RAX: variants seen among roughly 807,000 people sequenced by gnomAD.
The protein encoded by RAX is retina and anterior neural fold homeobox.
In RAX, 11 loss-of-function variants were observed where a neutral mutation model predicts 17.4. The observed-to-expected ratio is 0.63, with a 90% CI of 0.40 to 1.05. The LOEUF (loss-of-function observed/expected upper bound fraction) is 1.05, where lower values mean the gene tolerates loss of function less well. RAX is among the 50% of genes least tolerant of loss of function. The pLI is 0.00. For missense variants in RAX, 527 were observed against 501.1 expected, an observed-to-expected ratio of 1.05 and a Z score of -0.49; for synonymous variants, 276 against 254.7, an observed-to-expected ratio of 1.08 and a Z score of -0.80.
Position 59,268,756 on chromosome 18 carries a change from C to A in RAX, c.*248G>T. The A allele has an allele frequency of 3.2e-6, 2 of 624,526 alleles. No individual in the cohort carries two copies. Among genetic ancestry groups the A allele is most frequent in the Non-Finnish European group, 5.4e-6 (2 of 373,136 alleles). The allele number at this position is 624,526 out of a possible 1,614,324, so 38.7% of individuals were successfully genotyped here. On this transcript the variant is annotated 3_prime_UTR_variant, in exon 3 of 3. Coordinates refer to ENST00000334889, the MANE Select transcript of RAX (RefSeq NM_013435.3). This position sits in a 1 kb window ranked among gnomAD's most constrained non-coding sequence, Gnocchi z 4.4. ...CCAGCGGGGCCCGGCAGCCTGTTGC[C>A]CTCCAGCTGCAGGGCTGAGGTCCGC... is the stretch of plus-strand genomic sequence containing the variant.
rs748974678 is a variant in RAX, at chr18:59,269,379, C to A, written c.666G>T (p.Ser222=). 4.7e-5 allele frequency: 70 copies of A among 1,496,968 alleles called. No individual in the cohort carries two copies. Among genetic ancestry groups the A allele is most frequent in the Non-Finnish European group, 6.1e-5 (69 of 1,128,142 alleles). The allele number at this position is 1,496,968 out of a possible 1,614,324, so 92.7% of individuals were successfully genotyped here. The change falls in exon 3 of 3, where the codon TCG becomes TCT. Residue 222 remains serine, a synonymous_variant. Coordinates refer to ENST00000334889, the MANE Select transcript of RAX (RefSeq NM_013435.3). ...CGCTGCCCGGGCCCGCCCCGAGGGG[C>A]GACAGCGTCGCGGAGGGCGGGGAGC... ...FSRSPPSATL[S]PLGAGPGSGG...
Position 59,268,880 on chromosome 18 carries a change from G to C in RAX, c.*124C>G. On this transcript the variant is annotated 3_prime_UTR_variant, in exon 3 of 3. Transcript: ENST00000334889. The surrounding 1 kb of genome is among the most constrained non-coding windows in gnomAD (Gnocchi z 4.4). ...GGCGCGTGGCCCTGAACTATGCTTG[G>C]CGGGTGGCTGCAGGCGACAGGGAAA... 2 of 1,490,408 alleles carry C rather than the reference G, an allele frequency of 1.3e-6. No individual in the cohort carries two copies. The highest frequency in any genetic ancestry group is 2.4e-5 in the South Asian group (2 of 83,418). 92.3% of individuals were successfully genotyped at this position (1,490,408 alleles called of 1,614,324 possible).
chr18:59,268,804 G>T lies in RAX; in HGVS notation c.*200C>A. On this transcript the variant is annotated 3_prime_UTR_variant, in exon 3 of 3. Transcript: ENST00000334889. The surrounding 1 kb of genome is among the most constrained non-coding windows in gnomAD (Gnocchi z 4.4). Reference sequence around the variant, plus strand: ...CGCGAAGTGCGTTGAGGCGGCCAGAGGGCCTCTCCTCAGGCCTGAAAGTCG... The same window carrying T: ...CGCGAAGTGCGTTGAGGCGGCCAGATGGCCTCTCCTCAGGCCTGAAAGTCG... The T allele has an allele frequency of 1.2e-6, 1 of 863,400 alleles. No individual in the cohort carries two copies. The highest frequency in any genetic ancestry group is 1.7e-6 in the Non-Finnish European group (1 of 575,990). 53.5% of individuals were successfully genotyped at this position (863,400 alleles called of 1,614,324 possible). A position where few individuals can be genotyped will look rare whatever the true frequency, so the allele number is the denominator to read the frequency against.
rs1436073335 is a variant in RAX at position 59,272,255 on chromosome 18, A to G, written c.543+106T>C. 6 of 1,486,988 alleles carry G rather than the reference A, an allele frequency of 4.0e-6. No individual in the cohort carries two copies. In the East Asian group the frequency reaches 1.4e-4, roughly 35 times the overall value. 92.1% of individuals were successfully genotyped at this position (1,486,988 alleles called of 1,614,324 possible). A position where few individuals can be genotyped will look rare whatever the true frequency, so the allele number is the denominator to read the frequency against. On this transcript the variant is annotated intron_variant, in intron 2 of 2. Transcript: ENST00000334889. ...AGACTCTGGGCATGCCAAGTCGAGG[A>G]AGGACAGTAATAAATGCATGGACAC... is the stretch of plus-strand genomic sequence containing the variant.
Position 59,269,073 on chromosome 18 carries a change from G to A in RAX, c.972C>T (p.Ser324=), listed in dbSNP as rs752217038. The change falls in exon 3 of 3, where the codon AGC becomes AGT. Residue 324 remains serine (S), a synonymous_variant. Coordinates refer to ENST00000334889, the MANE Select transcript of RAX (RefSeq NM_013435.3). ...PLDEADPRNS[S]IAALRLKAKE... Reference sequence around the variant, plus strand: ...TGGCTTTCAGACGCAGCGCCGCGATGCTGCTGTTGCGCGGGTCCGCCTCGT... The same window carrying A: ...TGGCTTTCAGACGCAGCGCCGCGATACTGCTGTTGCGCGGGTCCGCCTCGT... The A allele has an allele frequency of 6.2e-7, 1 of 1,612,728 alleles. No individual in the cohort carries two copies. Among genetic ancestry groups the A allele is most frequent in the Non-Finnish European group, 8.5e-7 (1 of 1,179,734 alleles).
Position 59,269,343 on chromosome 18 carries a change from C to CGGCCCGCCACCGCTGCCCG in RAX, c.683_701dup (p.Ala235GlyfsTer258). On this transcript the variant is annotated frameshift_variant, in exon 3 of 3. Coordinates refer to ENST00000334889, the MANE Select transcript of RAX (RefSeq NM_013435.3). LOFTEE classifies it low-confidence loss of function (END_TRUNC). ...ACTCCAGCGGCAGCGCGCCCCCAGCCGGCCCGCCACCGCTGCCCGGGCCCG... is the reference window on the plus strand; with the variant it reads ...ACTCCAGCGGCAGCGCGCCCCCAGCCGGCCCGCCACCGCTGCCCGGGCCCGCCACCGCTGCCCGGGCCCG... 3.0e-6 allele frequency: 4 copies of CGGCCCGCCACCGCTGCCCG among 1,341,738 alleles called. No individual in the cohort carries two copies. The highest frequency in any genetic ancestry group is 3.8e-6 in the Non-Finnish European group (4 of 1,049,130). 83.1% of individuals were successfully genotyped at this position (1,341,738 alleles called of 1,614,324 possible). A position where few individuals can be genotyped will look rare whatever the true frequency, so the allele number is the denominator to read the frequency against.
At chr18:59,272,791 G>C in intron 1 of RAX, 127 bp downstream of exon 1, 1 of 1,381,226 alleles carries the variant, frequency 7.2e-7, no homozygotes, top group East Asian at 2.4e-5. Flanking sequence ...GGAAGCTCCC[G>C]CCATAGACGG....
At chr18:59,272,830 T>G in intron 1 of RAX, 88 bp downstream of exon 1, 1 of 1,465,216 alleles carries the variant, frequency 6.8e-7, no homozygotes, top group Non-Finnish European at 9.0e-7. Context: ...GTTGCCTTAA[T>G]AAAAGTTAAG....
chr18:59,272,882 C>A, intron 1 of RAX, 36 bp downstream of exon 1: 1 of 1,490,462 alleles, frequency 6.7e-7, no homozygotes, highest in Non-Finnish European at 8.8e-7. Flanking sequence ...GCTCGGGCGC[C>A]CGAACGGCCT....
rs775122318 is a variant in RAX at position 59,269,205 on chromosome 18, AGGCGGC to A, written c.834_839del (p.Pro281_Pro282del). ...ACGGCGGGGAGTTCAGGAAGGGCGG[AGGCGGC>A]GGCGGTGGCGTGTAGCTGGCAGGCA... On this transcript the variant is annotated inframe_deletion, in exon 3 of 3. Transcript: ENST00000334889. The A allele has an allele frequency of 6.5e-7, 1 of 1,535,368 alleles. No homozygotes were observed. Among genetic ancestry groups the A allele is most frequent in the South Asian group, 1.2e-5 (1 of 83,746 alleles).
At chr18:59,272,754 G>C (rs533742390) in intron 1 of RAX, 140 bp from the exon 2 acceptor site, 2 of 1,371,252 alleles carry the variant, frequency 1.5e-6, no homozygotes, top group African/African-American at 1.5e-5. Flanking sequence ...GCGGCGATGG[G>C]TCCTAAGCTT....
At chr18:59,269,617 G>A in intron 2 of RAX, 116 bp from the exon 3 acceptor site, 5 of 1,210,658 alleles carry the variant, frequency 4.1e-6, no homozygotes, top group Non-Finnish European at 5.7e-6. Context: ...TAAAACTAGG[G>A]GCGCAACTGT....
Position 59,269,034 on chromosome 18 carries a change from C to G in RAX, c.1011G>C (p.Gln337His), listed in dbSNP as rs772527097. The G allele has an allele frequency of 6.2e-7, 1 of 1,613,060 alleles. No homozygotes were observed. The highest frequency in any genetic ancestry group is 1.1e-5 in the South Asian group (1 of 91,086). The stretch of plus-strand genomic sequence containing the variant: ...GGGCCTGCCACGGCTTCCCGATGGC[C>G]TGGATGTGCTCCTTGGCTTTCAGAC... ...ALRLKAKEHI[Q>H]AIGKPWQAL is the part of the protein sequence containing the mutation. Residue 337 changes from glutamine to histidine, a missense_variant, in exon 3 of 3, where the codon CAG becomes CAC. Physicochemically the swap from Gln to His is conservative, Grantham distance 24. Transcript: ENST00000334889.
At position 59,269,115 on chromosome 18, in the gene RAX, C is replaced by G. The variant is rs1440034147; in HGVS notation, c.930G>C (p.Gly310=). The G allele has an allele frequency of 4.3e-6, 7 of 1,609,498 alleles. No individual in the cohort carries two copies. Among genetic ancestry groups the G allele is most frequent in the Non-Finnish European group, 5.1e-6 (6 of 1,178,312 alleles). ...CCGCCTCGTCCAGCGGGAACTTGTCCCCGAAGCCGGGCCCGCACGGGTAGG... is the reference window on the plus strand; with the variant it reads ...CCGCCTCGTCCAGCGGGAACTTGTCGCCGAAGCCGGGCCCGCACGGGTAGG... ...PPSYPCGPGF[G]DKFPLDEADP... is the part of the protein sequence containing the mutation. Residue 310 remains glycine, a synonymous_variant, in exon 3 of 3, where the codon GGG becomes GGC. Transcript: ENST00000334889.
intron 1 of RAX, 108 bp downstream of exon 1, chr18:59,272,810 C>T: frequency 2.8e-6 from 4 of 1,431,064 alleles, no homozygotes; most frequent in South Asian, 1.4e-5. Context: ...GGTCCCCAAC[C>T]CCGCGCCCAG....
At position 59,269,371 on chromosome 18, in the gene RAX, C is replaced by G; in HGVS notation, c.674G>C (p.Gly225Ala). The part of the protein sequence containing the change: ...SPPSATLSPL[G>A]AGPGSGGGPA... ...CCCGCCACCGCTGCCCGGGCCCGCC[C>G]CGAGGGGCGACAGCGTCGCGGAGGG... The change falls in exon 3 of 3, where the codon GGG becomes GCG. Residue 225 changes from glycine (G) to alanine (A), a missense_variant. Physicochemically the swap from Gly to Ala is moderately conservative, Grantham distance 60 (BLOSUM62 0). Coordinates refer to ENST00000334889, the MANE Select transcript of RAX (RefSeq NM_013435.3). 1 of 1,485,524 alleles carries G rather than the reference C, an allele frequency of 6.7e-7. No homozygotes were observed. The highest frequency in any genetic ancestry group is 1.3e-5 in the South Asian group (1 of 78,182). The allele number at this position is 1,485,524 out of a possible 1,614,324, so 92.0% of individuals were successfully genotyped here.
At chr18:59,271,285 C>G (rs1178542314) in intron 2 of RAX, among the ~76,000 whole-genome samples, 1 of 152,172 alleles carries the variant, frequency 6.6e-6, no homozygotes, top group Non-Finnish European at 1.5e-5. Flanking sequence ...GGCTTTGCCT[C>G]TACTCTTTCT....
chr18:59,271,241 G>A (rs111317110), intron 2 of RAX, among the ~76,000 whole-genome samples: 3,688 of 152,308 alleles, frequency 0.024, 109 homozygotes, highest in African/African-American at 0.081. Context: ...AGGGAGCTGA[G>A]TCTGCTTTGC....
At chr18:59,272,251 G>A in intron 2 of RAX, 110 bp downstream of exon 2, 2 of 1,462,700 alleles carry the variant, frequency 1.4e-6, no homozygotes, top group Non-Finnish European at 1.9e-6. Flanking sequence ...ATGCCAAGTC[G>A]AGGAAGGACA....
Sources: gnomAD v4.1 joint callset for allele counts (sites outside exome capture counted in the v4.1 genomes callset) on GRCh38, gnomAD v4.1.1 for gene constraint, Gnocchi (gnomAD v3.1) non-coding constraint, MANE v1.5 for transcripts, NCBI Gene and HGNC (gene_info 2026-07-23, HGNC 2026-07-21) for gene names.